Variants in ASAP1 observed in about 807,000 individuals in gnomAD.
ASAP1 encodes ArfGAP with SH3 domain, ankyrin repeat and PH domain 1.
In ASAP1, 43 loss-of-function variants were observed where a neutral mutation model predicts 145.2. The ratio of observed to expected loss-of-function variants is 0.30; its 90% CI spans 0.23 to 0.38. ASAP1 has a LOEUF of 0.38. ASAP1 is among the 10% of genes least tolerant of loss of function. The probability of loss-of-function intolerance (pLI) is 1.00; values close to 1 mark genes in which losing one functional copy is unlikely to be tolerated. For missense variants in ASAP1, 1,018 were observed against 1,355.3 expected (o/e 0.75, Z 3.91); for synonymous variants, 546 against 515.5 (o/e 1.06, Z -0.80).
intron 3 of ASAP1, among the ~76,000 whole-genome samples, chr8:130,266,701 C>T (rs758598173): frequency 2.0e-5 from 3 of 151,906 alleles, no homozygotes; most frequent in East Asian, 1.9e-4. Context: ...TGATTTAATA[C>T]AGTTACTGAA....
chr8:130,336,364 T>C lies in ASAP1; in HGVS notation c.186+21653A>G, dbSNP rs140454503. The stretch of plus-strand genomic sequence containing the variant: ...AGCAGCAGTGGCATCACCTGAGAAT[T>C]GAAAAGAAATGCAGATTATTGGGTC... On this transcript the variant is annotated intron_variant, in intron 3 of 29. Coordinates refer to ENST00000518721, the MANE Select transcript of ASAP1 (RefSeq NM_018482.4). Among the ~76,000 whole-genome samples the C allele has an allele frequency of 1.8e-3, 274 of 152,248 alleles. 1 individual carries two copies. The highest frequency in any genetic ancestry group is 6.1e-3 in the African/African-American group (255 of 41,526).
intron 15 of ASAP1, among the ~76,000 whole-genome samples, chr8:130,132,215 C>T (rs113240646): frequency 6.6e-6 from 1 of 152,204 alleles, no homozygotes; most frequent in Non-Finnish European, 1.5e-5. Context: ...AAAGTCCCTA[C>T]TTTCTGGGGT....
intron 5 of ASAP1, among the ~76,000 whole-genome samples, chr8:130,208,434 C>T (rs1816367125): frequency 1.3e-5 from 2 of 152,172 alleles, no homozygotes; most frequent in Non-Finnish European, 2.9e-5. Context: ...TTCCTAACCG[C>T]TGGTAACTAC....
At chr8:130,112,057 C>G in intron 24 of ASAP1, 37 bp downstream of exon 24, 1 of 1,572,924 alleles carries the variant, frequency 6.4e-7, no homozygotes. Context: ...ACAAGCCCTT[C>G]GAGGATGGAG....
chr8:130,382,546 C>A lies in ASAP1; in HGVS notation c.59+19339G>T, dbSNP rs866600522. Among the ~76,000 whole-genome samples, 20 of 152,314 alleles carry A rather than the reference C, an allele frequency of 1.3e-4. 1 individual carries two copies. The South Asian group carries it at 2.7e-3, about 21-fold the overall frequency. ...TGTATTCTCATTTGTATCCCCAGCA[C>A]GCAGTGCTACCACCCAATAGATGCT... On this transcript the variant is annotated intron_variant, in intron 2 of 29. Transcript: ENST00000518721.
intron 5 of ASAP1, among the ~76,000 whole-genome samples, chr8:130,210,977 CTTAT>C (rs1355342903): frequency 6.6e-6 from 1 of 152,126 alleles, no homozygotes; most frequent in East Asian, 1.9e-4. Flanking sequence ...AACAGTCACT[CTTAT>C]TTATTTTTAG....
chr8:130,371,194 T>G (rs577583458), intron 2 of ASAP1, among the ~76,000 whole-genome samples: 6 of 152,212 alleles, frequency 3.9e-5, no homozygotes, highest in Non-Finnish European at 7.3e-5. Context: ...ACTGCAACCC[T>G]ACAAAGTAGC....
intron 3 of ASAP1, among the ~76,000 whole-genome samples, chr8:130,283,587 G>GAAAAAAAAAAAAAAA (rs71304303): frequency 6.7e-4 from 14 of 20,864 alleles, no homozygotes; most frequent in African/African-American, 2.4e-3. Context: ...ATCACAGAAA[G>GAAAAAAAAAAAAAAA]AAAAAAAAAA....
chr8:130,142,744 C>T (rs1293408097), intron 13 of ASAP1, among the ~76,000 whole-genome samples: 1 of 152,120 alleles, frequency 6.6e-6, no homozygotes, highest in Non-Finnish European at 1.5e-5. Flanking sequence ...GGACAAGCTG[C>T]AGGAGGTGAC....
chr8:130,098,591 G>A (rs1210346637), intron 24 of ASAP1, among the ~76,000 whole-genome samples: 3 of 152,052 alleles, frequency 2.0e-5, no homozygotes, highest in Non-Finnish European at 2.9e-5. Context: ...CTCATGATCC[G>A]CCCGCCTCGG....
At chr8:130,234,804 A>G (rs537789736) in intron 4 of ASAP1, among the ~76,000 whole-genome samples, 1 of 152,306 alleles carries the variant, frequency 6.6e-6, no homozygotes, top group South Asian at 2.1e-4. Context: ...CCATCATCAC[A>G]TTACAGAGAA....
chr8:130,443,224 C>T (rs972173554), intron 1 of ASAP1, among the ~76,000 whole-genome samples: 11 of 151,826 alleles, frequency 7.2e-5, no homozygotes, highest in Admixed American at 5.9e-4. Flanking sequence ...CTCCCCCCCC[C>T]ACCGGGCGGC....
intron 2 of ASAP1, among the ~76,000 whole-genome samples, chr8:130,370,324 A>C (rs138867462): frequency 6.6e-5 from 10 of 152,184 alleles, no homozygotes; most frequent in African/African-American, 1.7e-4. Flanking sequence ...CAAACAAACA[A>C]AAAAAACAGA....
chr8:130,136,939 A>G lies in ASAP1; in HGVS notation c.1168+12T>C. 2 of 1,612,070 alleles carry G rather than the reference A, an allele frequency of 1.2e-6. No homozygotes were observed. Among genetic ancestry groups the G allele is most frequent in the Non-Finnish European group, 8.5e-7 (1 of 1,178,094 alleles). ...CCACAATAACCAACTCAGAGAGAGAAAAAGGACTCACGTGATATCAGGTCA... is the reference window on the plus strand; with the variant it reads ...CCACAATAACCAACTCAGAGAGAGAGAAAGGACTCACGTGATATCAGGTCA... On this transcript the variant is annotated intron_variant, in intron 14 of 29. Transcript: ENST00000518721.
chr8:130,184,423 GA>G (rs1489370740), intron 7 of ASAP1, among the ~76,000 whole-genome samples: 2 of 152,224 alleles, frequency 1.3e-5, no homozygotes, highest in African/African-American at 2.4e-5. Context: ...ACAGGATCAA[GA>G]GGGGCAGGCA....
intron 3 of ASAP1, among the ~76,000 whole-genome samples, chr8:130,340,319 G>C (rs1012290336): frequency 6.6e-6 from 1 of 152,178 alleles, no homozygotes; most frequent in Non-Finnish European, 1.5e-5. Flanking sequence ...CAGAAGGCCT[G>C]CAGAAATTTA....
In ASAP1 at chr8:130,112,335, AT is replaced by A. The variant is rs754183304; in HGVS notation, c.2173-14del. On this transcript the variant is annotated splice_polypyrimidine_tract_variant and intron_variant, in intron 23 of 29. Coordinates refer to ENST00000518721, the MANE Select transcript of ASAP1 (RefSeq NM_018482.4). ...TGATAGGGCTTGGCTGGCAGATGAA[AT>A]AAGAAGGTGAGATAATAATCAAGGA... The A allele has an allele frequency of 5.0e-6, 8 of 1,611,002 alleles. No homozygotes were observed. In the East Asian group the frequency reaches 1.6e-4, roughly 31 times the overall value.
intron 13 of ASAP1, among the ~76,000 whole-genome samples, chr8:130,143,742 A>G (rs2097619284): frequency 6.6e-6 from 1 of 152,250 alleles, no homozygotes; most frequent in South Asian, 2.1e-4. Context: ...GTGTTTCCTA[A>G]AAGAAAATAA....
chr8:130,180,044 G>GCTTC (rs1327510935), intron 8 of ASAP1, among the ~76,000 whole-genome samples: 1 of 146,740 alleles, frequency 6.8e-6, no homozygotes, highest in Non-Finnish European at 1.5e-5. Flanking sequence ...AGGGAAGGAA[G>GCTTC]GAAGGGAGGG....
Sources: gnomAD v4.1 joint callset for allele counts (sites outside exome capture counted in the v4.1 genomes callset) on GRCh38, gnomAD v4.1.1 for gene constraint, MANE v1.5 for transcripts, NCBI Gene and HGNC (gene_info 2026-07-23, HGNC 2026-07-21) for gene names.